VWA7: variants seen among roughly 807,000 people sequenced by gnomAD.
VWA7 encodes the protein von Willebrand factor A domain containing 7, also known as von Willebrand factor A domain-containing protein 7.
A neutral mutation model predicts 83.1 loss-of-function variants in VWA7; 66 were observed. The observed-to-expected ratio is 0.79, with a 90% CI of 0.65 to 0.98. VWA7 has a LOEUF of 0.98. Among genes scored for constraint, VWA7 ranks in the 50% least tolerant of loss-of-function variants. The pLI, the probability that VWA7 is intolerant of heterozygous loss-of-function variation, is 0.00. For synonymous variants in VWA7, 424 were observed against 488.5 expected (o/e 0.87, Z 1.74); for missense variants, 1,080 against 1,160.2 (o/e 0.93, Z 1.00).
rs540719944 is a variant in VWA7, at chr6:31,773,671, G to A, written c.722-234C>T. Among the ~76,000 whole-genome samples the A allele has an allele frequency of 4.0e-5, 6 of 151,596 alleles. No homozygotes were observed. Among genetic ancestry groups the A allele is most frequent in the African/African-American group, 1.2e-4 (5 of 41,302 alleles). On this transcript the variant is annotated intron_variant, in intron 5 of 16. Transcript: ENST00000375688. The surrounding 1 kb of genome is among the most constrained non-coding windows in gnomAD (Gnocchi z 5.3). ...AGACCAGCCTGGCCAACATGGTGAA[G>A]CTCTGTTTCTACTAAAACTATAAAA...
chr6:31,776,365 C>A lies in VWA7; in HGVS notation c.235-123G>T. 7.2e-7 allele frequency: 1 copy of A among 1,390,936 alleles called. No individual in the cohort carries two copies. 86.2% of individuals were successfully genotyped at this position (1,390,936 alleles called of 1,614,324 possible). On this transcript the variant is annotated intron_variant, in intron 2 of 16. Coordinates refer to ENST00000375688, the MANE Select transcript of VWA7 (RefSeq NM_025258.3). The surrounding 1 kb of genome is among the most constrained non-coding windows in gnomAD (Gnocchi z 6.2). ...GGTCCTGAGCCCCACAAAGGAGGGACAGTCCCGGACCTTTCTAAGGAGGGG... is the reference window on the plus strand; with the variant it reads ...GGTCCTGAGCCCCACAAAGGAGGGAAAGTCCCGGACCTTTCTAAGGAGGGG...
chr6:31,773,405 TC>T lies in VWA7; in HGVS notation c.753del (p.Ser252AlafsTer35). 6.2e-7 allele frequency: 1 copy of T among 1,603,274 alleles called. No homozygotes were observed. Among genetic ancestry groups the T allele is most frequent in the South Asian group, 1.1e-5 (1 of 88,910 alleles). ...GKCSHGGHFD[R>X]SSSQPPRGGI... is the part of the protein sequence containing the mutation. ...CCTCCCCTCGGTGGCTGGGAGCTGCTCCGGTCAAAATGGCCCCCGTGGCTAC... is the reference window on the plus strand; with the variant it reads ...CCTCCCCTCGGTGGCTGGGAGCTGCTCGGTCAAAATGGCCCCCGTGGCTAC... On this transcript the variant is annotated frameshift_variant, in exon 6 of 17. Transcript: ENST00000375688. LOFTEE classifies it high-confidence loss of function. This position sits in a 1 kb window ranked among gnomAD's most constrained non-coding sequence, Gnocchi z 5.3.
rs376355173 is a variant in VWA7 at position 31,773,640 on chromosome 6, A to C, written c.722-203T>G. Among the ~76,000 whole-genome samples the C allele has an allele frequency of 4.6e-3, 700 of 152,286 alleles. 23 individuals are homozygous for C. In the South Asian group the frequency reaches 0.082, roughly 18 times the overall value. On this transcript the variant is annotated intron_variant, in intron 5 of 16. Coordinates refer to ENST00000375688, the MANE Select transcript of VWA7 (RefSeq NM_025258.3). The surrounding 1 kb of genome is among the most constrained non-coding windows in gnomAD (Gnocchi z 5.3). Reference sequence around the variant, plus strand: ...GGCCGGCAGATCATCTGAGATCAGGAGTTCAAGACCAGCCTGGCCAACATG... The same window carrying C: ...GGCCGGCAGATCATCTGAGATCAGGCGTTCAAGACCAGCCTGGCCAACATG...
rs1812762406 is a variant in VWA7 at position 31,777,127 on chromosome 6, G to C, written c.-34C>G. 2 of 349,992 alleles carry C rather than the reference G, an allele frequency of 5.7e-6. No homozygotes were observed. Among genetic ancestry groups the C allele is most frequent in the Non-Finnish European group, 1.0e-5 (2 of 193,358 alleles). 21.7% of individuals were successfully genotyped at this position (349,992 alleles called of 1,614,324 possible). ...CCCCTACCTGGTTGCTGGGTCTCCTGGGCAGGGCTGGCCCGGGCTTGACGT... is the reference window on the plus strand; with the variant it reads ...CCCCTACCTGGTTGCTGGGTCTCCTCGGCAGGGCTGGCCCGGGCTTGACGT... On this transcript the variant is annotated 5_prime_UTR_variant, in exon 1 of 17. Transcript: ENST00000375688. The surrounding 1 kb of genome is among the most constrained non-coding windows in gnomAD (Gnocchi z 5.8).
chr6:31,771,035 A>AG (rs1377393917), intron 7 of VWA7, among the ~76,000 whole-genome samples: 3 of 150,510 alleles, frequency 2.0e-5, no homozygotes, highest in African/African-American at 7.3e-5. Flanking sequence ...AAGAAAGAAA[A>AG]GAAAAAAAAA....
chr6:31,774,154 CAAA>C (rs10581485), intron 5 of VWA7, among the ~76,000 whole-genome samples: 7 of 61,810 alleles, frequency 1.1e-4, no homozygotes, highest in Admixed American at 3.7e-4. Flanking sequence ...AACTCCATCT[CAAA>C]AAAAAAAAAA....
In VWA7 at chr6:31,776,192, A is replaced by G. The variant is rs1220406989; in HGVS notation, c.285T>C (p.Gly95=). The part of the protein sequence containing the change: ...DDLFAAYFGP[G]SSRRFRAALG... ...AGGCTGCTCGGAACCGCCGAGAAGA[A>G]CCAGGTCCAAAGTAGGCGGCAAAGA... Residue 95 remains glycine, a synonymous_variant, in exon 3 of 17, where the codon GGT becomes GGC. Coordinates refer to ENST00000375688, the MANE Select transcript of VWA7 (RefSeq NM_025258.3). This position sits in a 1 kb window ranked among gnomAD's most constrained non-coding sequence, Gnocchi z 6.2. 2.5e-6 allele frequency: 4 copies of G among 1,613,966 alleles called. No individual in the cohort carries two copies. Among genetic ancestry groups the G allele is most frequent in the African/African-American group, 1.3e-5 (1 of 74,932 alleles).
chr6:31,772,584 C>CTTTTTTTTTTTTTTTTTTTTTTT lies in VWA7; in HGVS notation c.1087+347_1087+369dup, dbSNP rs9279415. 1.6e-3 allele frequency among the ~76,000 whole-genome samples: 55 copies of CTTTTTTTTTTTTTTTTTTTTTTT among 35,080 alleles called. 2 individuals are homozygous for CTTTTTTTTTTTTTTTTTTTTTTT. Among genetic ancestry groups the CTTTTTTTTTTTTTTTTTTTTTTT allele is most frequent in the African/African-American group, 2.8e-3 (21 of 7,388 alleles). The allele number at this position is 35,080 out of a possible 152,430, so 23.0% of individuals were successfully genotyped here. On this transcript the variant is annotated intron_variant, in intron 7 of 16. Transcript: ENST00000375688. ...CTTTTCTTTTTTTTTTCTTTCTTTTCTTTTTTTTTTTTTTTTTTTTTTTTT... is the reference window on the plus strand; with the variant it reads ...CTTTTCTTTTTTTTTTCTTTCTTTTCTTTTTTTTTTTTTTTTTTTTTTTTTTTTTTTTTTTTTTTTTTTTTTTT...
rs749122340 is a variant in VWA7, at chr6:31,766,895, T to C, written c.1883-131A>G. The C allele has an allele frequency of 2.7e-4, 268 of 1,003,810 alleles. No homozygotes were observed. Among genetic ancestry groups the C allele is most frequent in the Non-Finnish European group, 3.0e-4 (209 of 707,102 alleles). The allele number at this position is 1,003,810 out of a possible 1,614,324, so 62.2% of individuals were successfully genotyped here. A position where few individuals can be genotyped will look rare whatever the true frequency, so the allele number is the denominator to read the frequency against. On this transcript the variant is annotated intron_variant, in intron 13 of 16. Coordinates refer to ENST00000375688, the MANE Select transcript of VWA7 (RefSeq NM_025258.3). The surrounding 1 kb of genome is among the most constrained non-coding windows in gnomAD (Gnocchi z 4.9). Reference sequence around the variant, plus strand: ...GAAAATAGGTTACCTTCGAGGGGTATTGATGGGGAGCATCAGGAGGGAGTT... The same window carrying C: ...GAAAATAGGTTACCTTCGAGGGGTACTGATGGGGAGCATCAGGAGGGAGTT...
chr6:31,769,809 G>A lies in VWA7; in HGVS notation c.1201-18C>T, dbSNP rs751308870. ...AGGGCCAGCTGGCAGGGAAGGCAAC[G>A]ACCAGTGTTAACAATGGCAGTAGGA... On this transcript the variant is annotated intron_variant, in intron 8 of 16. Transcript: ENST00000375688. This position sits in a 1 kb window ranked among gnomAD's most constrained non-coding sequence, Gnocchi z 4.5. 9 of 1,607,272 alleles carry A rather than the reference G, an allele frequency of 5.6e-6. No homozygotes were observed. Among genetic ancestry groups the A allele is most frequent in the African/African-American group, 1.3e-5 (1 of 74,806 alleles).
chr6:31,765,661 GCCAGCCCTGCC>G lies in VWA7; in HGVS notation c.2598_2608del (p.Ala867CysfsTer?), dbSNP rs769073579. ...TGTGCCCCACCAGGGGCTGCCCGCAGCCAGCCCTGCCCCAGCCCTGCCTTGAGTCACCAATG... is the reference window on the plus strand; with the variant it reads ...TGTGCCCCACCAGGGGCTGCCCGCAGCCAGCCCTGCCTTGAGTCACCAATG... On this transcript the variant is annotated frameshift_variant, in exon 17 of 17. Transcript: ENST00000375688. LOFTEE classifies it low-confidence loss of function (END_TRUNC). 14 of 1,606,742 alleles carry G rather than the reference GCCAGCCCTGCC, an allele frequency of 8.7e-6. No individual in the cohort carries two copies. The highest frequency in any genetic ancestry group is 3.4e-5 in the Admixed American group (2 of 59,198).
Position 31,776,611 on chromosome 6 carries a change from T to C in VWA7, c.169A>G (p.Thr57Ala). 6.5e-7 allele frequency: 1 copy of C among 1,547,654 alleles called. No individual in the cohort carries two copies. The highest frequency in any genetic ancestry group is 8.7e-7 in the Non-Finnish European group (1 of 1,145,698). ...DLTEEAALNV[T>A]LQLFLEQPPP... ...GGCTGCTCCAGGAAGAGCTGCAGGGTGACGTTGAGCGCTGCCTCCTCAGTT... is the reference window on the plus strand; with the variant it reads ...GGCTGCTCCAGGAAGAGCTGCAGGGCGACGTTGAGCGCTGCCTCCTCAGTT... The change falls in exon 2 of 17, where the codon ACC (threonine) becomes GCC (alanine). Residue 57 changes from threonine to alanine, a missense_variant. Thr to Ala is a moderately conservative substitution (Grantham distance 58, BLOSUM62 0). Transcript: ENST00000375688. The surrounding 1 kb of genome is among the most constrained non-coding windows in gnomAD (Gnocchi z 6.2).
rs542582286 is a variant in VWA7 at position 31,776,435 on chromosome 6, G to T, written c.234+111C>A. Reference sequence around the variant, plus strand: ...AAGACTACTGGGTATTATTGCTGCAGGGGTGGGGCCATGGGTGTCTCTTCT... The same window carrying T: ...AAGACTACTGGGTATTATTGCTGCATGGGTGGGGCCATGGGTGTCTCTTCT... On this transcript the variant is annotated intron_variant, in intron 2 of 16. Coordinates refer to ENST00000375688, the MANE Select transcript of VWA7 (RefSeq NM_025258.3). The surrounding 1 kb of genome is among the most constrained non-coding windows in gnomAD (Gnocchi z 6.2). 3 of 1,232,018 alleles carry T rather than the reference G, an allele frequency of 2.4e-6. No homozygotes were observed. Among genetic ancestry groups the T allele is most frequent in the Non-Finnish European group, 2.2e-6 (2 of 899,392 alleles). 76.3% of individuals were successfully genotyped at this position (1,232,018 alleles called of 1,614,324 possible).
At chr6:31,768,702 G>C (rs1482183485) in intron 10 of VWA7, among the ~76,000 whole-genome samples, 1 of 152,134 alleles carries the variant, frequency 6.6e-6, no homozygotes, top group East Asian at 1.9e-4. Context: ...AAATTAGCCA[G>C]GCCTGGTGGT....
Position 31,765,713 on chromosome 6 carries a change from C to CCCTGCCTTG in VWA7, c.2556_2557insCAAGGCAGG (p.Pro852_Ala853insGlnGlyArg), listed in dbSNP as rs1252343485. Reference sequence around the variant, plus strand: ...GTCACCAATGTGAAGGGGGAAAAGGCAGGGGTGGCCGTGGTGAGGATCGGG... The same window carrying CCCTGCCTTG: ...GTCACCAATGTGAAGGGGGAAAAGGCCCTGCCTTGAGGGGTGGCCGTGGTGAGGATCGGG... On this transcript the variant is annotated inframe_insertion, in exon 17 of 17. Transcript: ENST00000375688. The CCCTGCCTTG allele has an allele frequency of 6.3e-7, 1 of 1,594,972 alleles. No homozygotes were observed. The highest frequency in any genetic ancestry group is 1.8e-5 in the Admixed American group (1 of 56,334).
At position 31,766,833 on chromosome 6, in the gene VWA7, C is replaced by A; in HGVS notation, c.1883-69G>T. On this transcript the variant is annotated intron_variant, in intron 13 of 16. Transcript: ENST00000375688. This position sits in a 1 kb window ranked among gnomAD's most constrained non-coding sequence, Gnocchi z 4.9. ...ACACAGGGAGAAAAGAATTAATGGC[C>A]TTCAAAATAGGGGTTCCCTCTGGGG... 1 of 1,517,018 alleles carries A rather than the reference C, an allele frequency of 6.6e-7. No homozygotes were observed. Among genetic ancestry groups the A allele is most frequent in the Non-Finnish European group, 8.9e-7 (1 of 1,125,892 alleles). 94.0% of individuals were successfully genotyped at this position (1,517,018 alleles called of 1,614,324 possible).
chr6:31,775,839 G>T lies in VWA7; in HGVS notation c.513+125C>A. The T allele has an allele frequency of 7.0e-7, 1 of 1,432,862 alleles. No homozygotes were observed. Among genetic ancestry groups the T allele is most frequent in the South Asian group, 1.4e-5 (1 of 73,084 alleles). The allele number at this position is 1,432,862 out of a possible 1,614,324, so 88.8% of individuals were successfully genotyped here. ...CTGGGACACAGCCTCGGGGCACCGCGTGCCAGTGCCCACCCCTTCCAGAGT... is the reference window on the plus strand; with the variant it reads ...CTGGGACACAGCCTCGGGGCACCGCTTGCCAGTGCCCACCCCTTCCAGAGT... On this transcript the variant is annotated intron_variant, in intron 3 of 16. Transcript: ENST00000375688. This position sits in a 1 kb window ranked among gnomAD's most constrained non-coding sequence, Gnocchi z 5.9.
At chr6:31,772,891 G>C in intron 7 of VWA7, 63 bp downstream of exon 7, 1 of 1,550,542 alleles carries the variant, frequency 6.4e-7, no homozygotes. Context: ...GAGCCACCAC[G>C]CCCAGTCTAT....
intron 7 of VWA7, chr6:31,771,300 T>C (rs779207164): frequency 6.6e-6 from 1 of 152,216 alleles, no homozygotes; most frequent in Non-Finnish European, 1.5e-5. Context: ...TATTTGATCA[T>C]CATTTCAACT....
Sources: allele counts gnomAD v4.1 joint callset (sites outside exome capture counted in the v4.1 genomes callset), GRCh38; gene constraint gnomAD v4.1.1; non-coding constraint Gnocchi (gnomAD v3.1); transcripts MANE v1.5; gene names NCBI Gene and HGNC (gene_info 2026-07-23, HGNC 2026-07-21).